The following CEP295 variants were observed in gnomAD, a reference collection of about 807,000 sequenced individuals.
CEP295 encodes centrosomal protein of 295 kDa.
In CEP295, 190 loss-of-function variants were observed where a neutral mutation model predicts 291.6. That is an observed-to-expected ratio of 0.65 (90% CI 0.58 to 0.73). The LOEUF (loss-of-function observed/expected upper bound fraction) is 0.73, where lower values mean the gene tolerates loss of function less well. Among genes scored for constraint, CEP295 ranks in the 30% least tolerant of loss-of-function variants. The pLI, the probability that CEP295 is intolerant of heterozygous loss-of-function variation, is 0.00. For synonymous variants in CEP295, 993 were observed against 1,038.8 expected, an observed-to-expected ratio of 0.96 and a Z score of 0.85; for missense variants, 2,863 against 2,949.4, an observed-to-expected ratio of 0.97 and a Z score of 0.68.
Position 93,697,087 on chromosome 11 carries a change from G to A in CEP295, c.2175G>A (p.Leu725=). ...QTETQQRDYK[L]VPKDSETLSR... ...AAACACAACAGAGAGACTATAAATT[G>A]GTCCCCAAAGATTCTGAGACACTTT... is the stretch of plus-strand genomic sequence containing the variant. The change falls in exon 15 of 30, where the codon TTG becomes TTA. Residue 725 remains leucine, a synonymous_variant. Transcript: ENST00000325212. 6.4e-7 allele frequency: 1 copy of A among 1,551,576 alleles called. No homozygotes were observed. The highest frequency in any genetic ancestry group is 8.7e-7 in the Non-Finnish European group (1 of 1,146,960).
chr11:93,698,958 A>G lies in CEP295; in HGVS notation c.4046A>G (p.Asp1349Gly). ...RISQLIQPQQ[D>G]NLKALQEQLA... The stretch of plus-strand genomic sequence containing the variant: ...TCGCAACTTATCCAGCCTCAACAAG[A>G]TAATTTGAAGGCACTTCAAGAACAG... Residue 1349 changes from aspartate (D) to glycine (G), a missense_variant, in exon 15 of 30, where the codon GAT becomes GGT. This residue lies in a region of CEP295 where 2,295 missense variants were observed against 2,335.7 expected (regional missense o/e 0.98). Transcript: ENST00000325212. The G allele has an allele frequency of 1.9e-6, 3 of 1,551,356 alleles. No homozygotes were observed. Among genetic ancestry groups the G allele is most frequent in the Non-Finnish European group, 1.7e-6 (2 of 1,146,994 alleles).
At chr11:93,678,854 A>G (rs1950826079) in intron 6 of CEP295, among the ~76,000 whole-genome samples, 1 of 151,970 alleles carries the variant, frequency 6.6e-6, no homozygotes, top group East Asian at 1.9e-4. Context: ...ATTTTAATGA[A>G]GTTTCCTTTT....
At chr11:93,730,210 A>T in intron 29 of CEP295, 21 bp from the exon 30 acceptor site, 1 of 1,551,418 alleles carries the variant, frequency 6.4e-7, no homozygotes, top group Non-Finnish European at 8.7e-7. Flanking sequence ...ACTGAAACTC[A>T]AATTTTTATT....
In CEP295 at chr11:93,698,275, G is replaced by C; in HGVS notation, c.3363G>C (p.Arg1121Ser). The C allele has an allele frequency of 1.3e-6, 2 of 1,551,798 alleles. No homozygotes were observed. Reference sequence around the variant, plus strand: ...AAGCTTCTGCTAAAGCTGAGCCTAGGAGAATTCAGGAGCTTTATTTATCTG... The same window carrying C: ...AAGCTTCTGCTAAAGCTGAGCCTAGCAGAATTCAGGAGCTTTATTTATCTG... ...ASQASAKAEP[R>S]RIQELYLSEK... The change falls in exon 15 of 30, where the codon AGG (arginine) becomes AGC (serine). Residue 1121 changes from arginine (R) to serine (S), a missense_variant. Arg to Ser is a moderately radical substitution (Grantham distance 110). Transcript: ENST00000325212.
intron 18 of CEP295, among the ~76,000 whole-genome samples, chr11:93,710,826 A>G (rs1952843799): frequency 6.6e-6 from 1 of 152,116 alleles, no homozygotes; most frequent in African/African-American, 2.4e-5. Flanking sequence ...GGATTTCTTC[A>G]TGGTTCAACC....
rs1565186233 is a variant in CEP295 at position 93,699,286 on chromosome 11, AC to A, written c.4375del (p.Glu1460LysfsTer53). The A allele has an allele frequency of 6.4e-7, 1 of 1,551,992 alleles. No homozygotes were observed. The highest frequency in any genetic ancestry group is 8.7e-7 in the Non-Finnish European group (1 of 1,147,000). On this transcript the variant is annotated frameshift_variant, in exon 15 of 30. Transcript: ENST00000325212. LOFTEE classifies it high-confidence loss of function. ...VLPQQDNLIA[L>X]EEHLHAQTDF... is the part of the protein sequence containing the mutation. ...TACCTCAACAAGATAATTTGATTGC[AC>A]TTGAAGAACACTTGCATGCACAGAC... is the stretch of plus-strand genomic sequence containing the variant.
chr11:93,729,064 C>T (rs779168786), intron 25 of CEP295: 3 of 516,870 alleles, frequency 5.8e-6, no homozygotes, highest in Admixed American at 3.6e-5. Flanking sequence ...TCTTATACAC[C>T]TAGTGTTATA....
At chr11:93,700,303 CTTTGA>C in intron 15 of CEP295, 117 bp downstream of exon 15, 2 of 947,588 alleles carry the variant, frequency 2.1e-6, no homozygotes, top group Non-Finnish European at 3.1e-6. Flanking sequence ...CTTAACTGTG[CTTTGA>C]TTTTTCACCC....
At chr11:93,714,225 T>G (rs1375387474) in intron 18 of CEP295, among the ~76,000 whole-genome samples, 1 of 152,142 alleles carries the variant, frequency 6.6e-6, no homozygotes, top group Non-Finnish European at 1.5e-5. Flanking sequence ...TGTTCATTGG[T>G]ACCAGGGCAT....
chr11:93,727,676 C>T, intron 24 of CEP295, 39 bp downstream of exon 24: 1 of 1,446,574 alleles, frequency 6.9e-7, no homozygotes, highest in East Asian at 2.5e-5. Context: ...CATTTAAATT[C>T]CTTTTTGGGA....
chr11:93,721,239 G>C (rs1953690547), intron 18 of CEP295, 73 bp from the exon 19 acceptor site: 1 of 819,896 alleles, frequency 1.2e-6, no homozygotes, highest in South Asian at 1.5e-5. Flanking sequence ...GTGTCCTGTG[G>C]TGCTAAGAAT....
chr11:93,703,492 T>C (rs918415468), intron 17 of CEP295, among the ~76,000 whole-genome samples: 1 of 152,046 alleles, frequency 6.6e-6, no homozygotes, highest in African/African-American at 2.4e-5. Flanking sequence ...AAAAATTTTT[T>C]GGTTTTCCAT....
chr11:93,696,689 A>T lies in CEP295; in HGVS notation c.1777A>T (p.Arg593Trp), dbSNP rs1191354841. ...HQLLQQNRLH[R>W]QSVETARKQL... ...TGCTTTTGTTTTTGGTAGGTTACACAGGCAGTCTGTTGAAACAGCCAGGAA... is the reference window on the plus strand; with the variant it reads ...TGCTTTTGTTTTTGGTAGGTTACACTGGCAGTCTGTTGAAACAGCCAGGAA... The change falls in exon 15 of 30, where the codon AGG becomes TGG. Residue 593 changes from arginine (R) to tryptophan (W), a missense_variant. This residue lies in a region of CEP295 where 2,295 missense variants were observed against 2,335.7 expected (regional missense o/e 0.98). Transcript: ENST00000325212. 4 of 1,543,638 alleles carry T rather than the reference A, an allele frequency of 2.6e-6. No homozygotes were observed. In the African/African-American group the frequency reaches 4.1e-5, roughly 16 times the overall value.
rs553528671 is a variant in CEP295, at chr11:93,696,699, T to C, written c.1787T>C (p.Val596Ala). 19 of 1,548,642 alleles carry C rather than the reference T, an allele frequency of 1.2e-5. No individual in the cohort carries two copies. In the South Asian group the frequency reaches 2.3e-4, roughly 19 times the overall value. ...TTTGGTAGGTTACACAGGCAGTCTG[T>C]TGAAACAGCCAGGAAACAATTACTT... is the stretch of plus-strand genomic sequence containing the variant. ...LQQNRLHRQS[V>A]ETARKQLLEY... Residue 596 changes from valine (V) to alanine (A), a missense_variant, in exon 15 of 30, where the codon GTT becomes GCT. Physicochemically the swap from Val to Ala is moderately conservative, Grantham distance 64 (BLOSUM62 0). Around this residue, in one of 3 missense-constraint regions of CEP295, gnomAD observed 2,295 missense variants for 2,335.7 expected, o/e 0.98. Transcript: ENST00000325212.
At chr11:93,708,159 A>G (rs1565199526) in intron 18 of CEP295, among the ~76,000 whole-genome samples, 1 of 152,196 alleles carries the variant, frequency 6.6e-6, no homozygotes. Context: ...CACCTCAAGC[A>G]TTTATACTTT....
At chr11:93,672,762 T>A (rs1044046608) in intron 5 of CEP295, among the ~76,000 whole-genome samples, 2 of 152,288 alleles carry the variant, frequency 1.3e-5, no homozygotes, top group East Asian at 3.9e-4. Flanking sequence ...TATTAACAGA[T>A]CATCCTAATT....
intron 18 of CEP295, among the ~76,000 whole-genome samples, chr11:93,715,709 C>T (rs1473287593): frequency 6.6e-6 from 1 of 152,010 alleles, no homozygotes; most frequent in East Asian, 1.9e-4. Context: ...ATGAATCCTG[C>T]CAGGACTGGG....
Position 93,699,593 on chromosome 11 carries a change from G to C in CEP295, c.4681G>C (p.Glu1561Gln). The C allele has an allele frequency of 6.4e-7, 1 of 1,551,908 alleles. No homozygotes were observed. Among genetic ancestry groups the C allele is most frequent in the Non-Finnish European group, 8.7e-7 (1 of 1,147,104 alleles). Residue 1561 changes from glutamate to glutamine, a missense_variant, in exon 15 of 30, where the codon GAA (glutamate) becomes CAA (glutamine). Physicochemically the swap from Glu to Gln is conservative, Grantham distance 29. Transcript: ENST00000325212. ...ATCCCAGGTGCCTGTTGCTGACTCT[G>C]AAAGAACCCAGAAGTCTTTCCCAAC... is the stretch of plus-strand genomic sequence containing the variant. ...FVSQVPVADS[E>Q]RTQKSFPTKS... is the part of the protein sequence containing the mutation.
chr11:93,675,507 A>T, intron 5 of CEP295, 64 bp from the exon 6 acceptor site: 1 of 830,088 alleles, frequency 1.2e-6, no homozygotes, highest in South Asian at 2.1e-5. Flanking sequence ...CTTTTTTTGC[A>T]TTGGATTCAG....
Sources: allele counts gnomAD v4.1 joint callset (sites outside exome capture counted in the v4.1 genomes callset), GRCh38; gene constraint gnomAD v4.1.1; regional missense constraint gnomAD v4.1.1; transcripts MANE v1.5; gene names NCBI Gene and HGNC (gene_info 2026-07-23, HGNC 2026-07-21).